The following PPP2R2B variants were observed in gnomAD, a reference collection of about 807,000 sequenced individuals.
PPP2R2B encodes the protein serine/threonine-protein phosphatase 2A 55 kDa regulatory subunit B beta isoform.
PPP2R2B carries 5 observed loss-of-function variants against 46.0 expected under a neutral mutation model. That is an observed-to-expected ratio of 0.11 (90% CI 0.06 to 0.23). The LOEUF (loss-of-function observed/expected upper bound fraction) is 0.23. Among genes scored for constraint, PPP2R2B ranks in the 10% least tolerant of loss-of-function variants. PPP2R2B has a pLI of 1.00. For synonymous variants in PPP2R2B, 215 were observed against 206.7 expected (o/e 1.04, Z -0.34); for missense variants, 367 against 575.0 (o/e 0.64, Z 3.70).
chr5:146,619,946 C>A (rs1773532527), intron 7 of PPP2R2B, among the ~76,000 whole-genome samples: 1 of 152,170 alleles, frequency 6.6e-6, no homozygotes, highest in African/African-American at 2.4e-5. Context: ...TCAGGATTCA[C>A]AATGAGTTAA....
intron 6 of PPP2R2B, 152 bp from the exon 7 acceptor site, chr5:146,638,567 A>G (rs571300305): frequency 8.3e-5 from 60 of 724,216 alleles, no homozygotes; most frequent in Non-Finnish European, 1.2e-4. Flanking sequence ...TCCCAGGCAG[A>G]TGAGGCTCAG....
At chr5:146,976,143 T>C (rs957553056) in intron 1 of PPP2R2B, among the ~76,000 whole-genome samples, 7 of 148,416 alleles carry the variant, frequency 4.7e-5, no homozygotes, top group Non-Finnish European at 8.9e-5. Context: ...TTATTATTAT[T>C]ATTATTATTT....
At position 146,765,589 on chromosome 5, in the gene PPP2R2B, G is replaced by A. The variant is rs753472469; in HGVS notation, c.71-64447C>T. 3.3e-5 allele frequency among the ~76,000 whole-genome samples: 5 copies of A among 152,156 alleles called. No homozygotes were observed. The South Asian group carries it at 1.0e-3, about 32-fold the overall frequency. ...TAAATTATAAATAGTTAAACTGTGC[G>A]CAATGTGAAATAATCAAGACCATGC... On this transcript the variant is annotated intron_variant, in intron 2 of 9. Coordinates refer to ENST00000394411, the MANE Select transcript of PPP2R2B (RefSeq NM_181675.4).
intron 2 of PPP2R2B, among the ~76,000 whole-genome samples, chr5:146,857,931 C>T (rs981680396): frequency 1.3e-5 from 2 of 152,162 alleles, no homozygotes; most frequent in African/African-American, 2.4e-5. Flanking sequence ...AGGTGATCCG[C>T]CTGCCTTTGG....
At chr5:146,638,227 C>G in intron 7 of PPP2R2B, 24 bp downstream of exon 7, 1 of 1,606,496 alleles carries the variant, frequency 6.2e-7, no homozygotes, top group Non-Finnish European at 8.5e-7. Context: ...CCATGCCCCC[C>G]ACCTCCCTTC....
chr5:146,781,640 A>G (rs530220855), intron 2 of PPP2R2B, among the ~76,000 whole-genome samples: 1 of 152,234 alleles, frequency 6.6e-6, no homozygotes, highest in East Asian at 1.9e-4. Context: ...AATTTTAGAC[A>G]AAAAGTATGT....
intron 2 of PPP2R2B, among the ~76,000 whole-genome samples, chr5:146,839,708 CT>C (rs1423032508): frequency 6.6e-6 from 1 of 152,188 alleles, no homozygotes; most frequent in African/African-American, 2.4e-5. Context: ...GGAGAGTCAG[CT>C]TTACATTACA....
At position 146,725,325 on chromosome 5, in the gene PPP2R2B, G is replaced by A. The variant is rs114362206; in HGVS notation, c.71-24183C>T. Among the ~76,000 whole-genome samples, 1,010 of 152,086 alleles carry A rather than the reference G, an allele frequency of 6.6e-3. 18 individuals carry two copies. The highest frequency in any genetic ancestry group is 0.023 in the African/African-American group (948 of 41,500). ...CTTTGCAGTGATATAGTTTTATTGC[G>A]AAAATGGAAAGTAAAAACACAGCAT... On this transcript the variant is annotated intron_variant, in intron 2 of 9. Transcript: ENST00000394411.
At chr5:146,848,984 C>T (rs319143) in intron 2 of PPP2R2B, among the ~76,000 whole-genome samples, 6,362 of 152,190 alleles carry the variant, frequency 0.042, 191 homozygotes, top group African/African-American at 0.081. Flanking sequence ...GGAGCTCTTC[C>T]AGTTGATTTC....
chr5:146,747,668 T>C (rs2151230586), intron 2 of PPP2R2B, among the ~76,000 whole-genome samples: 1 of 152,320 alleles, frequency 6.6e-6, no homozygotes, highest in Non-Finnish European at 1.5e-5. Context: ...TTCAATCTGA[T>C]TCCAAGGTTT....
intron 1 of PPP2R2B, among the ~76,000 whole-genome samples, chr5:146,995,068 C>A (rs905241649): frequency 6.6e-6 from 1 of 152,138 alleles, no homozygotes; most frequent in Non-Finnish European, 1.5e-5. Flanking sequence ...CCTGTCTTAC[C>A]TTTGAGTTTC....
chr5:146,726,302 A>G (rs1268333232), intron 2 of PPP2R2B, among the ~76,000 whole-genome samples: 1 of 152,196 alleles, frequency 6.6e-6, no homozygotes, highest in East Asian at 1.9e-4. Context: ...TTCAGCATCT[A>G]TGCCAAACTA....
chr5:146,586,444 CA>C lies in PPP2R2B; in HGVS notation c.*3502del, dbSNP rs1342533485. The C allele has an allele frequency of 2.6e-5, 4 of 152,156 alleles. No homozygotes were observed. 9.4% of individuals were successfully genotyped at this position (152,156 alleles called of 1,614,324 possible). On this transcript the variant is annotated 3_prime_UTR_variant, in exon 10 of 10. Transcript: ENST00000394411. ...GTTGTCTGGGGAGGGAAGCTTTAGG[CA>C]GTTGCTCTGTAGGCTTGAAGGGAGG...
chr5:146,889,268 A>G (rs1762421000), intron 1 of PPP2R2B, among the ~76,000 whole-genome samples: 1 of 152,162 alleles, frequency 6.6e-6, no homozygotes, highest in Non-Finnish European at 1.5e-5. Context: ...AATCTGTATC[A>G]TATATGACAG....
intron 1 of PPP2R2B, among the ~76,000 whole-genome samples, chr5:147,009,539 G>A (rs755735401): frequency 5.3e-5 from 8 of 152,104 alleles, no homozygotes; most frequent in Non-Finnish European, 1.2e-4. Flanking sequence ...GAAGGATGAG[G>A]TGGAAGGAAA....
intron 1 of PPP2R2B, among the ~76,000 whole-genome samples, chr5:146,965,602 G>T (rs1314184488): frequency 1.3e-5 from 2 of 152,162 alleles, no homozygotes; most frequent in African/African-American, 4.8e-5. Context: ...CTGTCCTGAG[G>T]TATCAGCAGA....
intron 2 of PPP2R2B, among the ~76,000 whole-genome samples, chr5:146,758,337 G>C (rs1341874159): frequency 1.3e-5 from 2 of 152,006 alleles, no homozygotes; most frequent in African/African-American, 4.8e-5. Context: ...TTGTGATCTG[G>C]GGCAAGAACC....
intron 2 of PPP2R2B, among the ~76,000 whole-genome samples, chr5:146,820,702 C>T (rs1031267233): frequency 6.6e-6 from 1 of 152,076 alleles, no homozygotes; most frequent in East Asian, 1.9e-4. Context: ...CCATGTGGAA[C>T]GTCAGGCTGC....
chr5:146,727,794 T>G (rs1751968416), intron 2 of PPP2R2B, among the ~76,000 whole-genome samples: 1 of 151,930 alleles, frequency 6.6e-6, no homozygotes, highest in African/African-American at 2.4e-5. Flanking sequence ...AAACTTCTTC[T>G]TCTTGTGTAA....
Sources: allele counts gnomAD v4.1 joint callset (sites outside exome capture counted in the v4.1 genomes callset), GRCh38; gene constraint gnomAD v4.1.1; transcripts MANE v1.5; gene names NCBI Gene and HGNC (gene_info 2026-07-23, HGNC 2026-07-21).